Variants in AP1G2 observed in about 807,000 individuals in gnomAD.
AP1G2 encodes adaptor related protein complex 1 subunit gamma 2.
AP1G2 carries 85 observed loss-of-function variants against 95.8 expected under a neutral mutation model. The observed-to-expected ratio is 0.89, with a 90% CI of 0.74 to 1.06. The LOEUF is 1.06. Among genes scored for constraint, AP1G2 ranks in the 50% least tolerant of loss-of-function variants. The pLI, the probability that AP1G2 is intolerant of heterozygous loss-of-function variation, is 0.00. For missense variants in AP1G2, 967 were observed against 1,005.8 expected (o/e 0.96, Z 0.52); for synonymous variants, 378 against 400.0 (o/e 0.94, Z 0.66).
chr14:23,560,338 C>T lies in AP1G2; in HGVS notation c.2074G>A (p.Ala692Thr). 1 of 1,614,128 alleles carries T rather than the reference C, an allele frequency of 6.2e-7. No individual in the cohort carries two copies. Among genetic ancestry groups the T allele is most frequent in the African/African-American group, 1.3e-5 (1 of 75,038 alleles). ...GCAGTGATGGTGATTAACAGCAAAG[C>T]AGGGTTTTCAGGGGGTCGAATGAAA... ...LSFIRPPENP[A>T]LLLITITATN... The change falls in exon 20 of 22, where the codon GCT becomes ACT. Residue 692 changes from alanine (A) to threonine (T), a missense_variant. Ala to Thr is a moderately conservative substitution (Grantham distance 58, BLOSUM62 0). Coordinates refer to ENST00000397120, the MANE Select transcript of AP1G2 (RefSeq NM_003917.5).
Position 23,562,602 on chromosome 14 carries a change from G to T in AP1G2, c.1411-9C>A, listed in dbSNP as rs1270838658. 2 of 1,612,818 alleles carry T rather than the reference G, an allele frequency of 1.2e-6. No homozygotes were observed. Among genetic ancestry groups the T allele is most frequent in the Admixed American group, 3.3e-5 (2 of 59,896 alleles). Reference sequence around the variant, plus strand: ...ACCTGCACCAGTGGTTGCTACATGGGATAAGAAACTGCTGGGCTGGCCAGG... The same window carrying T: ...ACCTGCACCAGTGGTTGCTACATGGTATAAGAAACTGCTGGGCTGGCCAGG... On this transcript the variant is annotated splice_polypyrimidine_tract_variant and intron_variant, in intron 14 of 21. Transcript: ENST00000397120.
rs1367130838 is a variant in AP1G2, at chr14:23,566,322, C to A, written c.427G>T (p.Val143Leu). 1 of 1,613,978 alleles carries A rather than the reference C, an allele frequency of 6.2e-7. No homozygotes were observed. The highest frequency in any genetic ancestry group is 2.2e-5 in the East Asian group (1 of 44,878). Reference sequence around the variant, plus strand: ...CTGGGCTGCAGGAGCAGTTTCTCCACCTCTGGGGCCAGGTCTCGGCACATC... The same window carrying A: ...CTGGGCTGCAGGAGCAGTTTCTCCAACTCTGGGGCCAGGTCTCGGCACATC... ...AEMCRDLAPE[V>L]EKLLLQPSPY... is the part of the protein sequence containing the mutation. Residue 143 changes from valine (V) to leucine (L), a missense_variant, in exon 4 of 22, where the codon GTG becomes TTG. Val to Leu is a conservative substitution (Grantham distance 32). Transcript: ENST00000397120.
chr14:23,563,942 C>T (rs1300351933), intron 11 of AP1G2, 86 bp from the exon 12 acceptor site: 1 of 1,597,516 alleles, frequency 6.3e-7, no homozygotes, highest in Non-Finnish European at 8.5e-7. Context: ...GGGACCTGTC[C>T]CCCTTAGTCC....
chr14:23,563,167 T>TA (rs1885949475), intron 14 of AP1G2: 1 of 1,427,092 alleles, frequency 7.0e-7, no homozygotes, highest in African/African-American at 1.4e-5. Flanking sequence ...ATAAGGGAAG[T>TA]TAGTCATCTG....
At chr14:23,565,955 T>C (rs755110037) in intron 5 of AP1G2, 63 bp from the exon 6 acceptor site, 3 of 1,607,652 alleles carry the variant, frequency 1.9e-6, no homozygotes, top group East Asian at 4.5e-5. Flanking sequence ...ATTGCGTGTG[T>C]GCCTGTGTGT....
chr14:23,563,229 T>C (rs1439904205), intron 14 of AP1G2, 151 bp downstream of exon 14: 2 of 1,449,730 alleles, frequency 1.4e-6, no homozygotes, highest in South Asian at 1.5e-5. Context: ...CAGATGTTCT[T>C]AAAAACAGGG....
chr14:23,563,158 T>C, intron 14 of AP1G2: 1 of 1,423,780 alleles, frequency 7.0e-7, no homozygotes. Context: ...ACATGGAGCA[T>C]AAGGGAAGTT....
At position 23,567,341 on chromosome 14, in the gene AP1G2, G is replaced by C. The variant is rs755251646; in HGVS notation, c.-5-22C>G. 1 of 1,606,174 alleles carries C rather than the reference G, an allele frequency of 6.2e-7. No homozygotes were observed. The highest frequency in any genetic ancestry group is 8.5e-7 in the Non-Finnish European group (1 of 1,178,026). Reference sequence around the variant, plus strand: ...CTGACTGGCAGAGTCCGGGAGTGGAGAAACACTCTCTGGTCGGGCGTGCCT... The same window carrying C: ...CTGACTGGCAGAGTCCGGGAGTGGACAAACACTCTCTGGTCGGGCGTGCCT... On this transcript the variant is annotated intron_variant, in intron 1 of 21. Transcript: ENST00000397120. The surrounding 1 kb of genome is among the most constrained non-coding windows in gnomAD (Gnocchi z 5.3).
At chr14:23,560,206 T>A in intron 20 of AP1G2, 49 bp downstream of exon 20, 1 of 1,599,498 alleles carries the variant, frequency 6.3e-7, no homozygotes, top group Non-Finnish European at 8.5e-7. Flanking sequence ...CTTAGTGGCC[T>A]TTTCTCCTGG....
intron 14 of AP1G2, 97 bp from the exon 15 acceptor site, chr14:23,562,690 AC>A: frequency 1.6e-6 from 2 of 1,277,908 alleles, no homozygotes; most frequent in Non-Finnish European, 2.2e-6. Context: ...ATTGCTTGAG[AC>A]CAGGAGTTCA....
At position 23,559,702 on chromosome 14, in the gene AP1G2, C is replaced by G. The variant is rs768677525; in HGVS notation, c.*47G>C. On this transcript the variant is annotated 3_prime_UTR_variant, in exon 22 of 22. Transcript: ENST00000397120. The stretch of plus-strand genomic sequence containing the variant: ...TGTAGGTTCGAAGCTGCTGGGGCCC[C>G]CTGGGGTTTGGGACACAGGAGAATT... The G allele has an allele frequency of 2.5e-6, 4 of 1,595,692 alleles. No individual in the cohort carries two copies. In the African/African-American group the frequency reaches 5.4e-5, roughly 21 times the overall value.
intron 14 of AP1G2, 155 bp from the exon 15 acceptor site, chr14:23,562,748 A>T (rs974985909): frequency 3.0e-6 from 2 of 677,074 alleles, no homozygotes; most frequent in African/African-American, 1.8e-5. Flanking sequence ...CTCTATTTTA[A>T]AAAAAAAAAG....
At chr14:23,560,112 C>T in intron 20 of AP1G2, 76 bp from the exon 21 acceptor site, 1 of 1,417,804 alleles carries the variant, frequency 7.1e-7, no homozygotes, top group African/African-American at 1.4e-5. Flanking sequence ...TCAGTGGCTC[C>T]ACACCCTTTT....
chr14:23,561,076 G>GAAA, intron 19 of AP1G2: 1 of 1,283,082 alleles, frequency 7.8e-7, no homozygotes, highest in Non-Finnish European at 9.8e-7. Context: ...AAGAAGGGTT[G>GAAA]GGGAGGAAGC....
chr14:23,562,039 G>T lies in AP1G2; in HGVS notation c.1656C>A (p.Tyr552Ter). The T allele has an allele frequency of 6.2e-7, 1 of 1,613,750 alleles. No individual in the cohort carries two copies. The highest frequency in any genetic ancestry group is 8.5e-7 in the Non-Finnish European group (1 of 1,179,898). The stretch of plus-strand genomic sequence containing the variant: ...GCAGCTCCACGTCCAAGCAGCTCCC[G>T]TAGATGGACACCACCTGGCGGATGC... The part of the protein sequence containing the change: ...NNRIRQVVSI[Y>*]GSCLDVELQQ... Residue 552 changes from tyrosine to a stop codon, truncating the protein, a stop_gained, in exon 17 of 22, where the codon TAC becomes TAA. Coordinates refer to ENST00000397120, the MANE Select transcript of AP1G2 (RefSeq NM_003917.5). LOFTEE classifies it high-confidence loss of function.
At chr14:23,564,460 TGGCGCAAGATGATGG>T in intron 9 of AP1G2, 72 bp from the exon 10 acceptor site, 1 of 1,603,440 alleles carries the variant, frequency 6.2e-7, no homozygotes, top group Non-Finnish European at 8.5e-7. Flanking sequence ...GGGAACACAT[TGGCGCAAGATGATGG>T]GGCTAGGAGG....
Position 23,567,391 on chromosome 14 carries a change from G to T in AP1G2, c.-5-72C>A. ...TGGGCTTTCGGCCCAGGCCCGTCCT[G>T]TGTCAAGACCCTAAGAGCCCGGGTC... On this transcript the variant is annotated intron_variant, in intron 1 of 21. Transcript: ENST00000397120. The surrounding 1 kb of genome is among the most constrained non-coding windows in gnomAD (Gnocchi z 5.3). 6.6e-7 allele frequency: 1 copy of T among 1,519,802 alleles called. No homozygotes were observed. The highest frequency in any genetic ancestry group is 8.7e-7 in the Non-Finnish European group (1 of 1,145,268). The allele number at this position is 1,519,802 out of a possible 1,614,324, so 94.1% of individuals were successfully genotyped here.
In AP1G2 at chr14:23,562,051, C is replaced by T. The variant is rs746377212; in HGVS notation, c.1644G>A (p.Val548=). 4 of 1,613,572 alleles carry T rather than the reference C, an allele frequency of 2.5e-6. No homozygotes were observed. The highest frequency in any genetic ancestry group is 1.3e-5 in the African/African-American group (1 of 74,918). ...CCAAGCAGCTCCCGTAGATGGACAC[C>T]ACCTGGCGGATGCGGCTGGGCCAGT... ...LCGDNNRIRQ[V]VSIYGSCLDV... Residue 548 remains valine, a synonymous_variant, in exon 17 of 22, where the codon GTG becomes GTA. Transcript: ENST00000397120.
Position 23,565,654 on chromosome 14 carries a change from T to C in AP1G2, c.693A>G (p.Gly231=), listed in dbSNP as rs1887508438. The change falls in exon 7 of 22, where the codon GGA becomes GGG. Residue 231 remains glycine, a synonymous_variant. Transcript: ENST00000397120. ...VHILRTLVTM[G]YSTEHSISGV... ...CAGATATGCTGTGTTCTGTGGAGTA[T>C]CCCATTGTCACCAGAGTCCGGAGGA... 1.2e-6 allele frequency: 2 copies of C among 1,614,124 alleles called. No individual in the cohort carries two copies. Among genetic ancestry groups the C allele is most frequent in the Admixed American group, 1.7e-5 (1 of 60,028 alleles).
Sources: gnomAD v4.1 joint callset for allele counts on GRCh38, gnomAD v4.1.1 for gene constraint, Gnocchi (gnomAD v3.1) non-coding constraint, MANE v1.5 for transcripts, NCBI Gene and HGNC (gene_info 2026-07-23, HGNC 2026-07-21) for gene names.